The following C8orf34 variants were observed in gnomAD, a reference collection of about 807,000 sequenced individuals.
C8orf34 encodes chromosome 8 open reading frame 34, also known as uncharacterized protein C8orf34.
In C8orf34, 65 loss-of-function variants were observed where a neutral mutation model predicts 68.3. The ratio of observed to expected loss-of-function variants is 0.95; its 90% CI spans 0.78 to 1.17. The LOEUF (loss-of-function observed/expected upper bound fraction) is 1.17. Ranked by LOEUF, C8orf34 falls within the 50% of genes most tolerant of loss-of-function variation. C8orf34 has a pLI of 0.00. For synonymous variants in C8orf34, 244 were observed against 241.2 expected (o/e 1.01, Z -0.11); for missense variants, 664 against 655.4 (o/e 1.01, Z -0.14).
rs1261154769 is a variant in C8orf34 at position 68,752,571 on chromosome 8, C to T, written c.1405-23828C>T. Among the ~76,000 whole-genome samples, 2 of 152,124 alleles carry T rather than the reference C, an allele frequency of 1.3e-5. 1 individual carries two copies. ...GGAGAACTGGTTGTTAAACTTTTAC[C>T]ATGTCCCACTGATACTAAGAATTCA... On this transcript the variant is annotated intron_variant, in intron 10 of 13. Transcript: ENST00000518698.
At chr8:68,470,101 A>G (rs1812319630) in intron 4 of C8orf34, among the ~76,000 whole-genome samples, 1 of 152,034 alleles carries the variant, frequency 6.6e-6, no homozygotes, top group South Asian at 2.1e-4. Context: ...ATGGGATTCA[A>G]GGAAGCTCCA....
chr8:68,494,777 A>G (rs1271394568), intron 5 of C8orf34, among the ~76,000 whole-genome samples: 1 of 151,894 alleles, frequency 6.6e-6, no homozygotes, highest in South Asian at 2.1e-4. Context: ...AACCACTTGA[A>G]CACGGGAGGC....
intron 7 of C8orf34, among the ~76,000 whole-genome samples, chr8:68,568,947 A>G (rs1816683845): frequency 1.3e-5 from 2 of 152,232 alleles, no homozygotes; most frequent in South Asian, 2.1e-4. Context: ...GGAAACAAGT[A>G]AGCATGGCTT....
At chr8:68,536,462 TA>T (rs1362028198) in intron 7 of C8orf34, among the ~76,000 whole-genome samples, 1 of 151,946 alleles carries the variant, frequency 6.6e-6, no homozygotes, top group African/African-American at 2.4e-5. Flanking sequence ...GGAACTTCGT[TA>T]GTTTAAAAGA....
intron 8 of C8orf34, among the ~76,000 whole-genome samples, chr8:68,681,514 G>A (rs1051845581): frequency 6.6e-6 from 1 of 152,126 alleles, no homozygotes; most frequent in African/African-American, 2.4e-5. Context: ...ACCAGCAACA[G>A]ATGCTGGTGA....
intron 13 of C8orf34, among the ~76,000 whole-genome samples, chr8:68,816,212 AG>A (rs1455448339): frequency 6.6e-6 from 1 of 151,160 alleles, no homozygotes; most frequent in African/African-American, 2.4e-5. Context: ...TCCCTTGCTA[AG>A]GTGGGAGGAT....
intron 1 of C8orf34, among the ~76,000 whole-genome samples, chr8:68,386,094 A>G (rs1265965993): frequency 6.6e-6 from 1 of 152,040 alleles, no homozygotes; most frequent in East Asian, 1.9e-4. Flanking sequence ...TTCTATAGAG[A>G]TGAGGTCTTG....
chr8:68,624,461 C>A (rs1296852571), intron 7 of C8orf34, among the ~76,000 whole-genome samples: 2 of 151,958 alleles, frequency 1.3e-5, no homozygotes, highest in African/African-American at 2.4e-5. Context: ...AAAAGCTGAC[C>A]CTTAGCTCTA....
At chr8:68,810,815 C>T (rs1054080261) in intron 12 of C8orf34, among the ~76,000 whole-genome samples, 15 of 152,080 alleles carry the variant, frequency 9.9e-5, no homozygotes, top group African/African-American at 3.6e-4. Flanking sequence ...CAGGTGGTCC[C>T]GACATTTGAC....
chr8:68,719,271 A>T (rs1030025765), intron 9 of C8orf34, among the ~76,000 whole-genome samples: 13 of 151,968 alleles, frequency 8.6e-5, no homozygotes, highest in African/African-American at 3.1e-4. Flanking sequence ...AGTTATGTAA[A>T]CTCTCAAATG....
rs368426012 is a variant in C8orf34, at chr8:68,656,041, A to T, written c.1241+15530A>T. Among the ~76,000 whole-genome samples, 48 of 152,322 alleles carry T rather than the reference A, an allele frequency of 3.2e-4. No homozygotes were observed. In the South Asian group the frequency reaches 9.1e-3, roughly 29 times the overall value. On this transcript the variant is annotated intron_variant, in intron 8 of 13. Transcript: ENST00000518698. ...TATAATTATTGGTTTGAGAAATTGT[A>T]TTCAGACAGAACCATGTTGAAGGTC... is the stretch of plus-strand genomic sequence containing the variant.
intron 3 of C8orf34, among the ~76,000 whole-genome samples, chr8:68,454,830 TA>T (rs1310007445): frequency 6.6e-6 from 1 of 152,056 alleles, no homozygotes; most frequent in Non-Finnish European, 1.5e-5. Context: ...CCTTAAGGTG[TA>T]AAGTTAGATT....
At chr8:68,364,658 C>A (rs1415151816) in intron 1 of C8orf34, among the ~76,000 whole-genome samples, 3 of 115,410 alleles carry the variant, frequency 2.6e-5, no homozygotes. Context: ...GGGTACATAA[C>A]GAAATGAAGG....
intron 12 of C8orf34, among the ~76,000 whole-genome samples, chr8:68,813,230 T>C (rs553230655): frequency 1.3e-5 from 2 of 152,294 alleles, no homozygotes; most frequent in South Asian, 4.1e-4. Context: ...GTATAGGAAA[T>C]AATGGGCTAT....
intron 7 of C8orf34, among the ~76,000 whole-genome samples, chr8:68,587,079 G>A (rs1219000655): frequency 1.3e-5 from 2 of 152,062 alleles, no homozygotes; most frequent in East Asian, 3.9e-4. Flanking sequence ...TTTGATGACA[G>A]GAAAGCTTAG....
At chr8:68,412,561 G>T (rs1231025222) in intron 1 of C8orf34, among the ~76,000 whole-genome samples, 2 of 151,944 alleles carry the variant, frequency 1.3e-5, no homozygotes, top group Non-Finnish European at 2.9e-5. Context: ...CTGAATTATT[G>T]CCCTCTTCAC....
chr8:68,573,560 A>G (rs941562570), intron 7 of C8orf34, among the ~76,000 whole-genome samples: 3 of 152,186 alleles, frequency 2.0e-5, no homozygotes, highest in Non-Finnish European at 4.4e-5. Context: ...GTTTGTTATG[A>G]TAATAGATGA....
chr8:68,760,922 C>T (rs1327578467), intron 10 of C8orf34, among the ~76,000 whole-genome samples: 2 of 152,154 alleles, frequency 1.3e-5, no homozygotes, highest in East Asian at 3.9e-4. Flanking sequence ...TTCTAGAAGA[C>T]CATAGGCTAT....
intron 10 of C8orf34, among the ~76,000 whole-genome samples, chr8:68,755,854 G>A (rs555891842): frequency 3.3e-5 from 5 of 152,036 alleles, no homozygotes; most frequent in South Asian, 4.2e-4. Context: ...GAGGTCAGGA[G>A]GTCGAGACCA....
Sources: allele counts gnomAD v4.1 joint callset (sites outside exome capture counted in the v4.1 genomes callset), GRCh38; gene constraint gnomAD v4.1.1; transcripts MANE v1.5; gene names NCBI Gene and HGNC (gene_info 2026-07-23, HGNC 2026-07-21).